The following RGSL1 variants were observed in gnomAD, a reference collection of about 807,000 sequenced individuals.
RGSL1 encodes the protein regulator of G protein signaling protein-like.
In RGSL1, 97 loss-of-function variants were observed where a neutral mutation model predicts 124.7. The observed-to-expected ratio is 0.78, with a 90% CI of 0.66 to 0.92. The LOEUF is 0.92. Ranked by LOEUF, RGSL1 falls within the 40% of genes least tolerant of loss-of-function variation. RGSL1 has a pLI of 0.00. For synonymous variants in RGSL1, 424 were observed against 438.1 expected (o/e 0.97, Z 0.40); for missense variants, 1,233 against 1,288.4 (o/e 0.96, Z 0.66).
chr1:182,549,995 A>G (rs758561012), intron 17 of RGSL1: 1 of 152,248 alleles, frequency 6.6e-6, no homozygotes, highest in Non-Finnish European at 1.5e-5. Flanking sequence ...TGTGCTTAGA[A>G]AAATGAGACA....
chr1:182,482,410 T>TA (rs149764486), intron 6 of RGSL1, among the ~76,000 whole-genome samples: 25,679 of 151,006 alleles, frequency 0.17, 2,556 homozygotes, highest in Middle Eastern at 0.27. Flanking sequence ...AAATAAAAAA[T>TA]AAAAAAAAGC....
At chr1:182,525,985 A>G (rs1359006462) in intron 10 of RGSL1, among the ~76,000 whole-genome samples, 1 of 152,224 alleles carries the variant, frequency 6.6e-6, no homozygotes, top group African/African-American at 2.4e-5. Context: ...TAGATGCAAT[A>G]CATAAATTTC....
At chr1:182,540,106 A>T in intron 14 of RGSL1, 141 bp from the exon 15 acceptor site, 1 of 746,974 alleles carries the variant, frequency 1.3e-6, no homozygotes, top group Non-Finnish European at 2.0e-6. Context: ...TAAAAGGTTG[A>T]GCCCAATGGC....
intron 15 of RGSL1, among the ~76,000 whole-genome samples, chr1:182,546,878 T>C (rs1271320998): frequency 6.6e-6 from 1 of 152,216 alleles, no homozygotes; most frequent in Non-Finnish European, 1.5e-5. Flanking sequence ...GCAACACACC[T>C]CCTGGTACAC....
chr1:182,516,110 C>A (rs1294833505), intron 9 of RGSL1, among the ~76,000 whole-genome samples: 1 of 152,166 alleles, frequency 6.6e-6, no homozygotes, highest in African/African-American at 2.4e-5. Flanking sequence ...TGCCCCAGGG[C>A]TTTACTCCGG....
intron 4 of RGSL1, among the ~76,000 whole-genome samples, chr1:182,469,594 G>A (rs373345741): frequency 6.6e-6 from 1 of 152,116 alleles, no homozygotes; most frequent in African/African-American, 2.4e-5. Flanking sequence ...AAAATAGCAT[G>A]GAGGTTTCTC....
At chr1:182,541,712 C>G (rs1234950143) in intron 15 of RGSL1, among the ~76,000 whole-genome samples, 1 of 152,082 alleles carries the variant, frequency 6.6e-6, no homozygotes, top group East Asian at 1.9e-4. Context: ...CAAGGTTTCC[C>G]CTTTTTACAC....
chr1:182,482,048 G>C (rs1654749738), intron 6 of RGSL1, among the ~76,000 whole-genome samples: 1 of 152,118 alleles, frequency 6.6e-6, no homozygotes, highest in South Asian at 2.1e-4. Flanking sequence ...TTACCAGGTA[G>C]GATTTATCCC....
intron 9 of RGSL1, among the ~76,000 whole-genome samples, chr1:182,507,891 C>T (rs866342783): frequency 5.9e-5 from 9 of 151,840 alleles, no homozygotes; most frequent in East Asian, 3.9e-4. Context: ...GTTTTAGAGA[C>T]GGGGTTTTGG....
At chr1:182,515,721 C>G (rs1020812236) in intron 9 of RGSL1, among the ~76,000 whole-genome samples, 1 of 152,196 alleles carries the variant, frequency 6.6e-6, no homozygotes, top group Non-Finnish European at 1.5e-5. Context: ...GCTGGCTACG[C>G]AGGGTGCCAG....
chr1:182,527,614 T>G lies in RGSL1; in HGVS notation c.1967T>G (p.Leu656Trp). 1 of 1,551,586 alleles carries G rather than the reference T, an allele frequency of 6.4e-7. No individual in the cohort carries two copies. The highest frequency in any genetic ancestry group is 8.7e-7 in the Non-Finnish European group (1 of 1,146,826). Residue 656 changes from leucine to tryptophan, a missense_variant, in exon 11 of 22, where the codon TTG (leucine) becomes TGG (tryptophan). Transcript: ENST00000294854. ...LTEVLLNTQHLEFFREFLKER... is the reference protein window; with the variant it reads ...LTEVLLNTQHWEFFREFLKER... Reference sequence around the variant, plus strand: ...GAAGTCCTCTTAAATACACAGCACTTGGAGTTCTTCAGGGAGTTCCTCAAG... The same window carrying G: ...GAAGTCCTCTTAAATACACAGCACTGGGAGTTCTTCAGGGAGTTCCTCAAG...
intron 6 of RGSL1, among the ~76,000 whole-genome samples, chr1:182,479,284 C>T (rs1025921314): frequency 6.6e-5 from 10 of 151,672 alleles, no homozygotes; most frequent in South Asian, 2.1e-4. Context: ...TTATAACCAC[C>T]GAAATTAGTT....
chr1:182,533,982 A>G (rs557766972), intron 14 of RGSL1, among the ~76,000 whole-genome samples: 1 of 152,334 alleles, frequency 6.6e-6, no homozygotes, highest in Admixed American at 6.5e-5. Context: ...AACTGCCATC[A>G]GGCCAGTTGG....
intron 8 of RGSL1, among the ~76,000 whole-genome samples, chr1:182,491,457 C>T (rs1320732373): frequency 2.0e-5 from 3 of 152,080 alleles, no homozygotes; most frequent in Non-Finnish European, 4.4e-5. Flanking sequence ...TCAAGTGATC[C>T]GCCTGTCTCA....
intron 15 of RGSL1, among the ~76,000 whole-genome samples, chr1:182,543,822 A>AT (rs1394701722): frequency 6.6e-6 from 1 of 151,994 alleles, no homozygotes; most frequent in South Asian, 2.1e-4. Context: ...TTGTTGGTGT[A>AT]TAGTTGTACA....
At chr1:182,451,362 G>T (rs1254694673) in intron 1 of RGSL1, among the ~76,000 whole-genome samples, 3 of 152,098 alleles carry the variant, frequency 2.0e-5, no homozygotes, top group Non-Finnish European at 2.9e-5. Flanking sequence ...GAGGATATAC[G>T]TGATGGTATA....
chr1:182,496,384 C>T (rs962797461), intron 9 of RGSL1, among the ~76,000 whole-genome samples: 4 of 152,130 alleles, frequency 2.6e-5, no homozygotes, highest in African/African-American at 7.2e-5. Context: ...CAAACCATAT[C>T]GGATGGGTAG....
chr1:182,491,501 C>T (rs1655523318), intron 8 of RGSL1, among the ~76,000 whole-genome samples: 1 of 152,132 alleles, frequency 6.6e-6, no homozygotes, highest in Admixed American at 6.5e-5. Context: ...AGGTGTGAGC[C>T]ACCACACCCG....
rs1377273280 is a variant in RGSL1, at chr1:182,489,193, T to C, written c.1708T>C (p.Phe570Leu). ...CCAGGTAGAGCTGACATCTCCAGTG[T>C]TTCTAACAGGTCAGAGCAGTCACTG... is the stretch of plus-strand genomic sequence containing the variant. ...SLQVELTSPV[F>L]LTDITKMSFE... Residue 570 changes from phenylalanine to leucine, a missense_variant, in exon 8 of 22, where the codon TTT (phenylalanine) becomes CTT (leucine). Physicochemically the swap from Phe to Leu is conservative, Grantham distance 22. Transcript: ENST00000294854. 8.4e-6 allele frequency: 13 copies of C among 1,551,552 alleles called. No individual in the cohort carries two copies. The East Asian group carries it at 2.2e-4, about 26-fold the overall frequency.
Sources: gnomAD v4.1 joint callset for allele counts (sites outside exome capture counted in the v4.1 genomes callset) on GRCh38, gnomAD v4.1.1 for gene constraint, MANE v1.5 for transcripts, NCBI Gene and HGNC (gene_info 2026-07-23, HGNC 2026-07-21) for gene names.